Variants in SLBP observed in about 807,000 individuals in gnomAD.
SLBP encodes histone RNA hairpin-binding protein.
Under a neutral mutation model 39.2 loss-of-function variants are expected in SLBP, and 29 were observed. The observed-to-expected ratio is 0.74, with a 90% CI of 0.55 to 1.01. SLBP has a LOEUF of 1.01. SLBP is among the 50% of genes least tolerant of loss of function. SLBP has a pLI of 0.00. For missense variants in SLBP, 390 were observed against 350.2 expected, an observed-to-expected ratio of 1.11 and a Z score of -0.91; for synonymous variants, 129 against 118.7, an observed-to-expected ratio of 1.09 and a Z score of -0.57.
In SLBP at chr4:1,707,669, G is replaced by A. The variant is rs375083068; in HGVS notation, c.177-3969C>T. On this transcript the variant is annotated intron_variant, in intron 2 of 7. Transcript: ENST00000489418. The stretch of plus-strand genomic sequence containing the variant: ...TGACATTAAAACTAGATACTGGGCC[G>A]GGTGCACAGGCTCATGCCTGTGACC... 5.3e-4 allele frequency among the ~76,000 whole-genome samples: 80 copies of A among 151,952 alleles called. 1 individual carries two copies. The highest frequency in any genetic ancestry group is 1.7e-3 in the African/African-American group (71 of 41,428).
chr4:1,696,413 G>T, intron 5 of SLBP, 62 bp from the exon 6 acceptor site: 2 of 1,341,580 alleles, frequency 1.5e-6, no homozygotes, highest in Non-Finnish European at 2.0e-6. Context: ...ACATTAGCCT[G>T]AAGATTAACC....
intron 3 of SLBP, among the ~76,000 whole-genome samples, chr4:1,701,529 G>C (rs573868535): frequency 5.9e-5 from 9 of 152,232 alleles, no homozygotes; most frequent in South Asian, 2.1e-4. Context: ...ATTTCATACC[G>C]CTCTTACTGT....
intron 5 of SLBP, among the ~76,000 whole-genome samples, chr4:1,696,897 C>CA (rs535700408): frequency 4.9e-3 from 492 of 100,426 alleles, no homozygotes; most frequent in African/African-American, 7.8e-3. Flanking sequence ...ACTTCACCTC[C>CA]AAAAAAAAAA....
chr4:1,700,866 T>G (rs2109121097), intron 3 of SLBP, among the ~76,000 whole-genome samples: 1 of 152,238 alleles, frequency 6.6e-6, no homozygotes, highest in East Asian at 1.9e-4. Flanking sequence ...CCCTGGCCTG[T>G]CATGCAGGTA....
chr4:1,706,942 G>A (rs554516259), intron 2 of SLBP, among the ~76,000 whole-genome samples: 24 of 149,596 alleles, frequency 1.6e-4, no homozygotes, highest in Admixed American at 1.5e-3. Context: ...AGACCAGGCC[G>A]GGCGCAGTGG....
At chr4:1,697,063 CAGA>C (rs1716135359) in intron 5 of SLBP, among the ~76,000 whole-genome samples, 1 of 145,618 alleles carries the variant, frequency 6.9e-6, no homozygotes, top group South Asian at 2.1e-4. Context: ...GCGGCTGAGG[CAGA>C]AGAATTGCTT....
chr4:1,711,379 C>T (rs1716762266), intron 2 of SLBP, among the ~76,000 whole-genome samples: 1 of 152,068 alleles, frequency 6.6e-6, no homozygotes, highest in African/African-American at 2.4e-5. Context: ...CCCCGAAAAG[C>T]CCCGCCACTA....
intron 3 of SLBP, among the ~76,000 whole-genome samples, chr4:1,702,476 C>T (rs924652285): frequency 6.6e-6 from 1 of 152,216 alleles, no homozygotes; most frequent in Non-Finnish European, 1.5e-5. Flanking sequence ...TATCGTTCCG[C>T]GGCTGACACG....
At chr4:1,697,400 C>T (rs912620700) in intron 5 of SLBP, among the ~76,000 whole-genome samples, 12 of 151,786 alleles carry the variant, frequency 7.9e-5, no homozygotes, top group African/African-American at 1.7e-4. Flanking sequence ...ACCCATGAGG[C>T]GGAGGTTGCA....
In SLBP at chr4:1,694,845, T is replaced by G. The variant is rs765394053; in HGVS notation, c.630-5A>C. ...GATTCAAGGTCTACAGGGTGTCTGT[T>G]AAACAAGATCCAACATGTGCGTCAG... On this transcript the variant is annotated splice_region_variant and splice_polypyrimidine_tract_variant and intron_variant, in intron 6 of 7. Transcript: ENST00000489418. 5 of 1,609,912 alleles carry G rather than the reference T, an allele frequency of 3.1e-6. No homozygotes were observed. The African/African-American group carries it at 6.7e-5, about 22-fold the overall frequency.
At chr4:1,695,474 A>C (rs191482288) in intron 6 of SLBP, among the ~76,000 whole-genome samples, 1 of 152,276 alleles carries the variant, frequency 6.6e-6, no homozygotes, top group Admixed American at 6.5e-5. Flanking sequence ...GCAAAAGTTC[A>C]GGCCTGAGAC....
chr4:1,703,810 A>G (rs1716419794), intron 2 of SLBP, 110 bp from the exon 3 acceptor site: 6 of 802,594 alleles, frequency 7.5e-6, no homozygotes, highest in Admixed American at 1.9e-5. Flanking sequence ...TTGTGCCTGT[A>G]ATACCAGCAC....
At chr4:1,705,978 A>G (rs929577349) in intron 2 of SLBP, among the ~76,000 whole-genome samples, 8 of 152,166 alleles carry the variant, frequency 5.3e-5, no homozygotes, top group Non-Finnish European at 1.0e-4. Flanking sequence ...GGGCAAGACC[A>G]TATCTCAAAA....
Position 1,694,787 on chromosome 4 carries a change from G to A in SLBP, c.683C>T (p.Ser228Phe). 1 of 1,613,040 alleles carries A rather than the reference G, an allele frequency of 6.2e-7. No homozygotes were observed. The highest frequency in any genetic ancestry group is 2.2e-5 in the East Asian group (1 of 44,870). The change falls in exon 7 of 8, where the codon TCT becomes TTT. Residue 228 changes from serine to phenylalanine, a missense_variant. Ser to Phe is a radical substitution (Grantham distance 155). Coordinates refer to ENST00000489418, the MANE Select transcript of SLBP (RefSeq NM_006527.4). ...AESSSEPQTS[S>F]QDDFDVYSGT... ...CAAAGTACTTACAAAGTCATCCTGA[G>A]AGCTGGTCTGGGGCTCGGAGCTGCT...
intron 6 of SLBP, 113 bp from the exon 7 acceptor site, chr4:1,694,953 C>T: frequency 1.3e-6 from 1 of 755,500 alleles, no homozygotes; most frequent in Non-Finnish European, 2.4e-6. Context: ...GACAGTGTGC[C>T]CGAGGCTCCC....
chr4:1,711,140 G>A (rs1277773487), intron 2 of SLBP, among the ~76,000 whole-genome samples: 3 of 141,942 alleles, frequency 2.1e-5, no homozygotes, highest in African/African-American at 7.5e-5. Context: ...TTGGCACAGT[G>A]AAGTTGGGTC....
intron 2 of SLBP, among the ~76,000 whole-genome samples, chr4:1,710,701 C>G (rs528972973): frequency 1.3e-5 from 2 of 152,100 alleles, no homozygotes; most frequent in South Asian, 4.2e-4. Context: ...ACAGAGTTCA[C>G]CCGTGGAGAT....
chr4:1,699,341 A>G (rs1015938977), intron 5 of SLBP, among the ~76,000 whole-genome samples: 5 of 152,246 alleles, frequency 3.3e-5, no homozygotes, highest in African/African-American at 1.2e-4. Context: ...GTTATCTAAC[A>G]TTCAAAATTA....
intron 3 of SLBP, among the ~76,000 whole-genome samples, chr4:1,703,164 G>T (rs1021721110): frequency 6.6e-6 from 1 of 151,586 alleles, no homozygotes; most frequent in African/African-American, 2.4e-5. Context: ...TTGAACCCGG[G>T]AGGCAGAGGT....
Sources: gnomAD v4.1 joint callset for allele counts (sites outside exome capture counted in the v4.1 genomes callset) on GRCh38, gnomAD v4.1.1 for gene constraint, MANE v1.5 for transcripts, NCBI Gene and HGNC (gene_info 2026-07-23, HGNC 2026-07-21) for gene names.